JAZF1: variants seen among roughly 807,000 people sequenced by gnomAD.
JAZF1 encodes the protein juxtaposed with another zinc finger protein 1.
A neutral mutation model predicts 26.4 loss-of-function variants in JAZF1; 8 were observed. The ratio of observed to expected loss-of-function variants is 0.30; its 90% CI spans 0.18 to 0.55. JAZF1 has a LOEUF of 0.55. Ranked by LOEUF, JAZF1 falls within the 20% of genes least tolerant of loss-of-function variation. JAZF1 has a pLI of 0.94. For missense variants in JAZF1, 199 were observed against 322.0 expected (o/e 0.62, Z 2.92); for synonymous variants, 126 against 122.3 (o/e 1.03, Z -0.20).
chr7:27,953,095 G>A (rs781310330), intron 2 of JAZF1, among the ~76,000 whole-genome samples: 21 of 152,320 alleles, frequency 1.4e-4, no homozygotes, highest in Non-Finnish European at 5.9e-5. Context: ...ACAAATATTT[G>A]ATGATGCCTC....
At chr7:28,114,190 G>C (rs777495223) in intron 1 of JAZF1, among the ~76,000 whole-genome samples, 11 of 152,170 alleles carry the variant, frequency 7.2e-5, no homozygotes, top group Admixed American at 2.0e-4. Context: ...CATTATTCCA[G>C]CTCACTGCCT....
chr7:27,946,778 C>T (rs1051677991), intron 2 of JAZF1, among the ~76,000 whole-genome samples: 1 of 152,192 alleles, frequency 6.6e-6, no homozygotes, highest in Admixed American at 6.5e-5. Context: ...GATTTATACA[C>T]AGAGATTTTG....
chr7:27,936,295 G>A (rs1348032119), intron 2 of JAZF1, among the ~76,000 whole-genome samples: 3 of 152,128 alleles, frequency 2.0e-5, no homozygotes, highest in Non-Finnish European at 1.5e-5. Context: ...TTTCTCTGGT[G>A]ACCAGAAGTA....
At chr7:27,963,836 G>A (rs1785227648) in intron 2 of JAZF1, among the ~76,000 whole-genome samples, 1 of 152,148 alleles carries the variant, frequency 6.6e-6, no homozygotes, top group Non-Finnish European at 1.5e-5. Context: ...CCAAAGTGCT[G>A]GGATTAAGGC....
At chr7:28,082,586 C>A (rs1784153963) in intron 1 of JAZF1, among the ~76,000 whole-genome samples, 1 of 152,150 alleles carries the variant, frequency 6.6e-6, no homozygotes, top group Non-Finnish European at 1.5e-5. Context: ...CCAGTAGCTC[C>A]CCACGCTGCA....
At chr7:28,073,484 C>T (rs960829775) in intron 1 of JAZF1, among the ~76,000 whole-genome samples, 1 of 152,162 alleles carries the variant, frequency 6.6e-6, no homozygotes, top group Non-Finnish European at 1.5e-5. Context: ...CGAATCTTTG[C>T]ATTTTGCTTT....
At chr7:27,946,546 A>G (rs535472799) in intron 2 of JAZF1, among the ~76,000 whole-genome samples, 77 of 152,340 alleles carry the variant, frequency 5.1e-4, no homozygotes, top group African/African-American at 1.8e-3. Context: ...TGGAGTACTC[A>G]GTATTCACAG....
At chr7:27,845,419 C>T (rs1243671326) in intron 3 of JAZF1, among the ~76,000 whole-genome samples, 2 of 152,228 alleles carry the variant, frequency 1.3e-5, no homozygotes, top group Admixed American at 6.5e-5. Context: ...GTGACTAGGG[C>T]TGGGCGCAGT....
At chr7:28,012,561 C>A (rs190075785) in intron 1 of JAZF1, among the ~76,000 whole-genome samples, 3 of 152,290 alleles carry the variant, frequency 2.0e-5, no homozygotes, top group Admixed American at 1.3e-4. Flanking sequence ...GGGCTGCACC[C>A]CTGGGCTGCC....
At chr7:28,100,150 G>C (rs1338028708) in intron 1 of JAZF1, among the ~76,000 whole-genome samples, 2 of 152,190 alleles carry the variant, frequency 1.3e-5, no homozygotes, top group African/African-American at 2.4e-5. Context: ...AGAAAGTTCT[G>C]AAGAGAGGGT....
chr7:28,034,987 G>A (rs1405856822), intron 1 of JAZF1, among the ~76,000 whole-genome samples: 2 of 152,056 alleles, frequency 1.3e-5, no homozygotes, highest in African/African-American at 4.8e-5. Context: ...TGAAGGCTGA[G>A]CCGTTACCGT....
chr7:28,086,935 G>C (rs1449261323), intron 1 of JAZF1, among the ~76,000 whole-genome samples: 1 of 152,140 alleles, frequency 6.6e-6, no homozygotes, highest in Non-Finnish European at 1.5e-5. Context: ...TGTACCCTGG[G>C]AAATTTTCCT....
chr7:28,028,078 A>G (rs575491406), intron 1 of JAZF1, among the ~76,000 whole-genome samples: 35 of 152,304 alleles, frequency 2.3e-4, no homozygotes, highest in African/African-American at 7.7e-4. Flanking sequence ...GGTCTCAGGA[A>G]CTGCTCTGCA....
chr7:27,861,916 C>A (rs1389759380), intron 3 of JAZF1, among the ~76,000 whole-genome samples: 2 of 152,196 alleles, frequency 1.3e-5, no homozygotes, highest in Non-Finnish European at 2.9e-5. Context: ...TGGACTTCTA[C>A]CACTCAGGAT....
intron 1 of JAZF1, among the ~76,000 whole-genome samples, chr7:28,028,622 C>G (rs1783131917): frequency 6.6e-6 from 1 of 152,176 alleles, no homozygotes; most frequent in East Asian, 1.9e-4. Context: ...AATAAAGATG[C>G]AAGAGTCAAT....
intron 2 of JAZF1, among the ~76,000 whole-genome samples, chr7:27,960,200 A>G (rs1785165680): frequency 6.6e-6 from 1 of 152,226 alleles, no homozygotes; most frequent in Non-Finnish European, 1.5e-5. Context: ...TATTTAATTG[A>G]ATGGCATTTT....
chr7:27,856,733 C>A (rs1783264170), intron 3 of JAZF1, among the ~76,000 whole-genome samples: 1 of 152,074 alleles, frequency 6.6e-6, no homozygotes, highest in African/African-American at 2.4e-5. Context: ...CATTTACAAA[C>A]CTTCAGCTAG....
At chr7:28,130,532 T>A (rs1464178438) in intron 1 of JAZF1, among the ~76,000 whole-genome samples, 1 of 152,190 alleles carries the variant, frequency 6.6e-6, no homozygotes, top group Non-Finnish European at 1.5e-5. Context: ...CTGCCTGGTA[T>A]CAGACAGCTT....
At chr7:28,035,930 A>T (rs1034145625) in intron 1 of JAZF1, among the ~76,000 whole-genome samples, 11 of 152,220 alleles carry the variant, frequency 7.2e-5, no homozygotes, top group African/African-American at 2.7e-4. Context: ...TTGTCAAATA[A>T]TATCTTTAAG....
Sources: gnomAD v4.1 joint callset for allele counts (sites outside exome capture counted in the v4.1 genomes callset) on GRCh38, gnomAD v4.1.1 for gene constraint, MANE v1.5 for transcripts, NCBI Gene and HGNC (gene_info 2026-07-23, HGNC 2026-07-21) for gene names.